Variants in GLIS3 observed in about 807,000 individuals in gnomAD.
The protein encoded by GLIS3 is zinc finger protein GLIS3.
In GLIS3, 53 loss-of-function variants were observed where a neutral mutation model predicts 78.6. The ratio of observed to expected loss-of-function variants is 0.67; its 90% CI spans 0.54 to 0.85. The LOEUF (loss-of-function observed/expected upper bound fraction) is 0.85. Among genes scored for constraint, GLIS3 ranks in the 40% least tolerant of loss-of-function variants. GLIS3 has a pLI of 0.00. For synonymous variants in GLIS3, 684 were observed against 509.9 expected (o/e 1.34, Z -4.60); for missense variants, 1,703 against 1,231.1 (o/e 1.38, Z -5.74).
chr9:4,082,265 G>A (rs1350435953), intron 4 of GLIS3, among the ~76,000 whole-genome samples: 1 of 152,242 alleles, frequency 6.6e-6, no homozygotes, highest in East Asian at 1.9e-4. Flanking sequence ...ATAACTATGT[G>A]TGGTAGAAGA....
At chr9:4,308,923 G>C (rs1473451134) in exon 4 of GLIS3, 1 of 152,192 alleles carries the variant, frequency 6.6e-6, no homozygotes, top group African/African-American at 2.4e-5. Flanking sequence ...TAATAGCTGA[G>C]CAACTTTAGG....
At chr9:4,028,519 T>C (rs758097048) in intron 4 of GLIS3, among the ~76,000 whole-genome samples, 4 of 152,186 alleles carry the variant, frequency 2.6e-5, no homozygotes, top group Non-Finnish European at 5.9e-5. Flanking sequence ...AACATTCATA[T>C]AGAAAAGAGT....
intron 4 of GLIS3, among the ~76,000 whole-genome samples, chr9:4,060,547 A>G (rs914272060): frequency 1.3e-5 from 2 of 152,148 alleles, no homozygotes; most frequent in African/African-American, 4.8e-5. Context: ...GGGTTAATGT[A>G]TTAATGGGTG....
At chr9:4,050,098 G>A (rs1031890710) in intron 4 of GLIS3, among the ~76,000 whole-genome samples, 21 of 152,064 alleles carry the variant, frequency 1.4e-4, no homozygotes, top group African/African-American at 5.1e-4. Flanking sequence ...CCATTACTGG[G>A]TATATAACCA....
chr9:4,450,048 C>A, the GLIS3 span, among the ~76,000 whole-genome samples: 13 of 152,056 alleles, frequency 8.5e-5, no homozygotes, highest in Non-Finnish European at 1.8e-4. Flanking sequence ...ACAAACTTCT[C>A]CAAGCTAAAG....
At chr9:4,294,095 C>G (rs997312298) in intron 1 of GLIS3, among the ~76,000 whole-genome samples, 1 of 152,214 alleles carries the variant, frequency 6.6e-6, no homozygotes, top group African/African-American at 2.4e-5. Context: ...CCAGATCCTA[C>G]TTATCCTCTA....
At chr9:3,830,839 A>G (rs964404494) in intron 9 of GLIS3, among the ~76,000 whole-genome samples, 2 of 152,144 alleles carry the variant, frequency 1.3e-5, no homozygotes, top group Non-Finnish European at 2.9e-5. Flanking sequence ...CTTTAAGTAA[A>G]ACCAGGGTGA....
chr9:4,016,648 GGGAA>G, intron 4 of GLIS3, among the ~76,000 whole-genome samples: 1 of 152,262 alleles, frequency 6.6e-6, no homozygotes, highest in East Asian at 1.9e-4. Context: ...ATCTCATTCA[GGGAA>G]GGCTCTGATG....
chr9:4,150,313 T>C (rs1292600658), intron 2 of GLIS3, among the ~76,000 whole-genome samples: 1 of 152,202 alleles, frequency 6.6e-6, no homozygotes, highest in Non-Finnish European at 1.5e-5. Flanking sequence ...CCACTGACTG[T>C]CCTCTGCTTT....
chr9:4,189,400 A>G (rs1818117460), intron 2 of GLIS3, among the ~76,000 whole-genome samples: 1 of 151,830 alleles, frequency 6.6e-6, no homozygotes, highest in Admixed American at 6.6e-5. Flanking sequence ...TGCTGAGGAG[A>G]GCTTTACTTC....
chr9:4,404,687 A>G, the GLIS3 span, among the ~76,000 whole-genome samples: 1 of 152,226 alleles, frequency 6.6e-6, no homozygotes, highest in Non-Finnish European at 1.5e-5. Context: ...ACGGAAACAC[A>G]GTATACCAAA....
intron 4 of GLIS3, among the ~76,000 whole-genome samples, chr9:4,003,674 T>C (rs74929114): frequency 0.016 from 2,454 of 152,278 alleles, 60 homozygotes; most frequent in African/African-American, 0.057. Flanking sequence ...AAAGAATTGC[T>C]AAAAGAAGCT....
the GLIS3 span, among the ~76,000 whole-genome samples, chr9:4,462,394 C>G: frequency 3.9e-5 from 6 of 152,132 alleles, no homozygotes; most frequent in African/African-American, 1.4e-4. Context: ...TGTTTTCAGA[C>G]TTGTACACTG....
chr9:4,383,910 G>C, the GLIS3 span, among the ~76,000 whole-genome samples: 2 of 152,202 alleles, frequency 1.3e-5, no homozygotes, highest in Non-Finnish European at 2.9e-5. Context: ...GCCTTTGTTA[G>C]CTAGGTGGTC....
the GLIS3 span, among the ~76,000 whole-genome samples, chr9:4,407,470 C>A: frequency 2.0e-5 from 3 of 152,136 alleles, no homozygotes; most frequent in African/African-American, 7.2e-5. Flanking sequence ...ACTGTGAAAC[C>A]CCGTCTCTAC....
At chr9:4,063,475 A>G (rs113546317) in intron 4 of GLIS3, among the ~76,000 whole-genome samples, 4,542 of 152,184 alleles carry the variant, frequency 0.03, 225 homozygotes, top group African/African-American at 0.1. Flanking sequence ...AATTTAGCGC[A>G]TTAACAGAAT....
At chr9:3,937,535 T>C (rs1479044357) in intron 4 of GLIS3, among the ~76,000 whole-genome samples, 1 of 152,188 alleles carries the variant, frequency 6.6e-6, no homozygotes, top group Admixed American at 6.5e-5. Context: ...CACTTTTCCA[T>C]TTCCAAATTG....
chr9:3,978,251 T>C (rs762744418), intron 4 of GLIS3, among the ~76,000 whole-genome samples: 1 of 152,178 alleles, frequency 6.6e-6, no homozygotes, highest in Non-Finnish European at 1.5e-5. Flanking sequence ...AGAGTTGTCA[T>C]TGTATTCCTT....
At chr9:3,895,679 T>C (rs1822780487) in intron 7 of GLIS3, among the ~76,000 whole-genome samples, 1 of 152,244 alleles carries the variant, frequency 6.6e-6, no homozygotes, top group African/African-American at 2.4e-5. Flanking sequence ...AAGACTTGTA[T>C]GTTCCAGAAC....
Sources: gnomAD v4.1 joint callset for allele counts (sites outside exome capture counted in the v4.1 genomes callset) on GRCh38, gnomAD v4.1.1 for gene constraint, MANE v1.5 for transcripts, NCBI Gene and HGNC (gene_info 2026-07-23, HGNC 2026-07-21) for gene names.